The following RBFOX2 variants were observed in gnomAD, a reference collection of about 807,000 sequenced individuals.
The protein encoded by RBFOX2 is RNA binding fox-1 homolog 2, also known as RNA binding protein fox-1 homolog 2.
RBFOX2 carries 10 observed loss-of-function variants against 49.1 expected under a neutral mutation model. The observed-to-expected ratio is 0.20, with a 90% CI of 0.13 to 0.35. The LOEUF (loss-of-function observed/expected upper bound fraction) is 0.35, where lower values mean the gene tolerates loss of function less well. Ranked by LOEUF, RBFOX2 falls within the 10% of genes least tolerant of loss-of-function variation. The pLI, the probability that RBFOX2 is intolerant of heterozygous loss-of-function variation, is 1.00. For missense variants in RBFOX2, 323 were observed against 486.9 expected (o/e 0.66, Z 3.17); for synonymous variants, 183 against 187.4 (o/e 0.98, Z 0.19).
At chr22:35,895,255 G>A (rs2047702295) in intron 1 of RBFOX2, among the ~76,000 whole-genome samples, 1 of 152,068 alleles carries the variant, frequency 6.6e-6, no homozygotes, top group African/African-American at 2.4e-5. Context: ...GGATGGGTGG[G>A]GTCAGTAATA....
chr22:35,802,744 A>G (rs1950008154), intron 2 of RBFOX2, among the ~76,000 whole-genome samples: 1 of 152,202 alleles, frequency 6.6e-6, no homozygotes, highest in South Asian at 2.1e-4. Flanking sequence ...AAGACCAGCT[A>G]GAAATCTGAA....
Position 36,021,907 on chromosome 22 carries a change from T to C in RBFOX2, c.186+6333A>G, listed in dbSNP as rs1021787572. On this transcript the variant is annotated intron_variant, in intron 1 of 13. Coordinates refer to the RBFOX2 transcript ENST00000438146. The stretch of plus-strand genomic sequence containing the variant: ...AAGCTGCCTGCTTGTATTGGGGTTG[T>C]AGAGGAGAATAAGAAGAAACTCAAT... Among the ~76,000 whole-genome samples, 3 of 152,168 alleles carry C rather than the reference T, an allele frequency of 2.0e-5. No individual in the cohort carries two copies. In the East Asian group the frequency reaches 5.8e-4, roughly 29 times the overall value.
At chr22:35,862,229 A>T (rs1459900569) in intron 1 of RBFOX2, among the ~76,000 whole-genome samples, 1 of 152,198 alleles carries the variant, frequency 6.6e-6, no homozygotes, top group African/African-American at 2.4e-5. Context: ...GGGTATATAC[A>T]TATGCCAAAA....
At chr22:35,811,485 G>A (rs574155123) in intron 1 of RBFOX2, among the ~76,000 whole-genome samples, 1 of 152,064 alleles carries the variant, frequency 6.6e-6, no homozygotes, top group Non-Finnish European at 1.5e-5. Context: ...AAAGACATCA[G>A]AAGAAACCAA....
In RBFOX2 at chr22:35,977,761, T is replaced by TATATATAC. The variant is rs1259422253; in HGVS notation, c.187-38865_187-38864insGTATATAT. Reference sequence around the variant, plus strand: ...ATATATATATATATATATATATATATACATGCACACACACACATATACATA... The same window carrying TATATATAC: ...ATATATATATATATATATATATATATATATATACACATGCACACACACACATATACATA... On this transcript the variant is annotated intron_variant, in intron 1 of 13. Transcript: ENST00000438146. Among the ~76,000 whole-genome samples the TATATATAC allele has an allele frequency of 6.7e-3, 607 of 90,872 alleles. 15 individuals are homozygous for TATATATAC. Among genetic ancestry groups the TATATATAC allele is most frequent in the East Asian group, 8.6e-3 (24 of 2,804 alleles). The allele number at this position is 90,872 out of a possible 152,430, so 59.6% of individuals were successfully genotyped here. A position where few individuals can be genotyped will look rare whatever the true frequency, so the allele number is the denominator to read the frequency against.
At chr22:35,876,891 C>T (rs1054852936) in intron 1 of RBFOX2, among the ~76,000 whole-genome samples, 1 of 152,064 alleles carries the variant, frequency 6.6e-6, no homozygotes, top group African/African-American at 2.4e-5. Context: ...GCTAAAATAG[C>T]AGAAAATTAC....
chr22:35,913,548 A>ATG lies in RBFOX2; in HGVS notation c.-34+25297_-34+25298dup, dbSNP rs909757854. Among the ~76,000 whole-genome samples, 266 of 146,030 alleles carry ATG rather than the reference A, an allele frequency of 1.8e-3. 3 individuals are homozygous for ATG. The highest frequency in any genetic ancestry group is 4.9e-3 in the African/African-American group (195 of 39,644). ...ATCATTATAATATGTGTGTATATGTATGTGTGTGTGTGTATATATATATAT... is the reference window on the plus strand; with the variant it reads ...ATCATTATAATATGTGTGTATATGTATGTGTGTGTGTGTGTATATATATATAT... On this transcript the variant is annotated intron_variant, in intron 1 of 13. Transcript: ENST00000359369.
intron 1 of RBFOX2, among the ~76,000 whole-genome samples, chr22:35,930,158 T>C (rs577208698): frequency 6.6e-6 from 1 of 151,760 alleles, no homozygotes; most frequent in Non-Finnish European, 1.5e-5. Context: ...GTAGCTGGGA[T>C]TACAGGCACC....
At chr22:36,010,732 TACACACACACACACACACACAC>T (rs34495987) in intron 1 of RBFOX2, among the ~76,000 whole-genome samples, 4 of 136,968 alleles carry the variant, frequency 2.9e-5, no homozygotes, top group African/African-American at 5.5e-5. Context: ...TACTGTTCAG[TACACACACACACACACACACAC>T]ACACACACAC....
Position 35,766,315 on chromosome 22 carries a change from C to T in RBFOX2, c.547-832G>A, listed in dbSNP as rs1046945388. Among the ~76,000 whole-genome samples, 27 of 152,252 alleles carry T rather than the reference C, an allele frequency of 1.8e-4. 1 individual carries two copies. The highest frequency in any genetic ancestry group is 6.3e-4 in the African/African-American group (26 of 41,552). On this transcript the variant is annotated intron_variant, in intron 5 of 11. Transcript: ENST00000405409. ...CTCTTGCAAGGAGGGTAAAGCTCCA[C>T]CATAGAACTTGACTTATACTGTGTT... is the stretch of plus-strand genomic sequence containing the variant.
intron 1 of RBFOX2, among the ~76,000 whole-genome samples, chr22:35,990,711 T>C (rs192128482): frequency 2.9e-4 from 44 of 152,198 alleles, no homozygotes; most frequent in African/African-American, 9.2e-4. Context: ...CTTAAGACAA[T>C]AGCAATACTT....
intron 1 of RBFOX2, among the ~76,000 whole-genome samples, chr22:35,911,105 A>G (rs1044675549): frequency 2.0e-5 from 3 of 152,156 alleles, no homozygotes; most frequent in African/African-American, 7.2e-5. Context: ...CATAGTTTCC[A>G]CTTTAAGCCT....
At chr22:35,903,027 G>A (rs1039535883) in intron 1 of RBFOX2, among the ~76,000 whole-genome samples, 2 of 151,968 alleles carry the variant, frequency 1.3e-5, no homozygotes, top group Non-Finnish European at 2.9e-5. Context: ...TAAATCTAAT[G>A]TTCTATAATA....
rs368444439 is a variant in RBFOX2 at position 35,781,584 on chromosome 22, G to T, written c.399+16C>A. The T allele has an allele frequency of 6.2e-7, 1 of 1,607,196 alleles. No homozygotes were observed. Among genetic ancestry groups the T allele is most frequent in the Non-Finnish European group, 8.5e-7 (1 of 1,177,264 alleles). On this transcript the variant is annotated intron_variant, in intron 3 of 11. Transcript: ENST00000405409. The stretch of plus-strand genomic sequence containing the variant: ...ACTTTAATTGTAAAATCCATAAAAA[G>T]ACTTCAGAGACTTACCCCAAACATC...
chr22:35,767,828 G>GGCC (rs1941479540), intron 5 of RBFOX2, among the ~76,000 whole-genome samples: 1 of 152,060 alleles, frequency 6.6e-6, no homozygotes, highest in Admixed American at 6.6e-5. Flanking sequence ...GATATTGGCT[G>GGCC]GCCCCTTGAT....
At chr22:35,936,237 C>CAAAAAA (rs58153258) in intron 1 of RBFOX2, among the ~76,000 whole-genome samples, 12 of 64,204 alleles carry the variant, frequency 1.9e-4, no homozygotes, top group African/African-American at 1.8e-4. Context: ...CCAACAACAA[C>CAAAAAA]AAAAAAAAAA....
chr22:36,007,368 C>T (rs961371781), intron 1 of RBFOX2, among the ~76,000 whole-genome samples: 2 of 151,856 alleles, frequency 1.3e-5, no homozygotes, highest in South Asian at 2.1e-4. Context: ...AATGACCATG[C>T]GCCACCACAC....
At chr22:35,929,392 G>A (rs2149663495) in intron 1 of RBFOX2, among the ~76,000 whole-genome samples, 1 of 152,054 alleles carries the variant, frequency 6.6e-6, no homozygotes, top group South Asian at 2.1e-4. Flanking sequence ...CAGATTTGCA[G>A]GTAATTCTTC....
chr22:35,985,314 T>C (rs2057656018), intron 1 of RBFOX2, among the ~76,000 whole-genome samples: 1 of 152,214 alleles, frequency 6.6e-6, no homozygotes, highest in Non-Finnish European at 1.5e-5. Flanking sequence ...CTACTAGGTT[T>C]TCAGCAAATC....
Sources: allele counts gnomAD v4.1 joint callset (sites outside exome capture counted in the v4.1 genomes callset), GRCh38; gene constraint gnomAD v4.1.1; transcripts MANE v1.5; gene names NCBI Gene and HGNC (gene_info 2026-07-23, HGNC 2026-07-21).